The following KCNQ3 variants were observed in gnomAD, a reference collection of about 807,000 sequenced individuals.
The protein encoded by KCNQ3 is potassium voltage-gated channel subfamily Q member 3.
KCNQ3 carries 30 observed loss-of-function variants against 92.5 expected under a neutral mutation model. That is an observed-to-expected ratio of 0.32 (90% CI 0.24 to 0.44). The LOEUF (loss-of-function observed/expected upper bound fraction) is 0.44, where lower values mean the gene tolerates loss of function less well. Among genes scored for constraint, KCNQ3 ranks in the 20% least tolerant of loss-of-function variants. The pLI is 1.00. For missense variants in KCNQ3, 913 were observed against 1,140.3 expected, an observed-to-expected ratio of 0.80 and a Z score of 2.87; for synonymous variants, 450 against 468.8, an observed-to-expected ratio of 0.96 and a Z score of 0.52.
chr8:132,245,983 T>TTAAATGAA (rs71306377), intron 1 of KCNQ3, among the ~76,000 whole-genome samples: 81,151 of 151,308 alleles, frequency 0.54, 23,783 homozygotes, highest in East Asian at 0.81. Context: ...CACCAACTTA[T>TTAAATGAA]TAAATGAATA....
At chr8:132,160,032 T>C (rs1305589548) in intron 9 of KCNQ3, among the ~76,000 whole-genome samples, 1 of 152,066 alleles carries the variant, frequency 6.6e-6, no homozygotes, top group African/African-American at 2.4e-5. Context: ...TGACTTAATA[T>C]ATATAACAGG....
Position 132,174,284 on chromosome 8 carries a change from G to A in KCNQ3, c.999C>T (p.Ala333=), listed in dbSNP as rs764352803. The A allele has an allele frequency of 4.5e-6, 7 of 1,551,924 alleles. No individual in the cohort carries two copies. The highest frequency in any genetic ancestry group is 2.4e-5 in the East Asian group (1 of 40,956). Residue 333 remains alanine (A), a synonymous_variant, in exon 6 of 15, where the codon GCC becomes GCT. Coordinates refer to ENST00000388996, the MANE Select transcript of KCNQ3 (RefSeq NM_004519.4). ...TPKTWEGRLI[A]ATFSLIGVSF... ...AGACGCCAATTAAGGAAAAGGTGGCGGCAATCAGACGGCCTTCCCACGTTT... is the reference window on the plus strand; with the variant it reads ...AGACGCCAATTAAGGAAAAGGTGGCAGCAATCAGACGGCCTTCCCACGTTT...
chr8:132,450,930 G>C (rs1392698255), intron 1 of KCNQ3, among the ~76,000 whole-genome samples: 5 of 152,246 alleles, frequency 3.3e-5, no homozygotes, highest in Non-Finnish European at 5.9e-5. Flanking sequence ...TCTTTCCAGA[G>C]AAGGATGGAA....
At chr8:132,198,135 C>T (rs1452017480) in intron 1 of KCNQ3, among the ~76,000 whole-genome samples, 2 of 152,234 alleles carry the variant, frequency 1.3e-5, no homozygotes, top group African/African-American at 2.4e-5. Flanking sequence ...CTCTTGCTGG[C>T]TTTGAAGTTG....
At chr8:132,173,014 T>C (rs1826432335) in intron 6 of KCNQ3, among the ~76,000 whole-genome samples, 1 of 152,220 alleles carries the variant, frequency 6.6e-6, no homozygotes, top group South Asian at 2.1e-4. Flanking sequence ...GGGATAATAA[T>C]ACCTAATGCA....
At chr8:132,398,394 TAGAA>T (rs1820248969) in intron 1 of KCNQ3, among the ~76,000 whole-genome samples, 2 of 152,190 alleles carry the variant, frequency 1.3e-5, no homozygotes, top group African/African-American at 2.4e-5. Context: ...TCAGATAGAA[TAGAA>T]AGAAACCAAC....
chr8:132,367,174 C>A (rs1177139361), intron 1 of KCNQ3, among the ~76,000 whole-genome samples: 1 of 152,210 alleles, frequency 6.6e-6, no homozygotes, highest in African/African-American at 2.4e-5. Flanking sequence ...TCTCCTTCAA[C>A]CCTGAATGTC....
intron 1 of KCNQ3, among the ~76,000 whole-genome samples, chr8:132,311,939 C>T (rs1817605478): frequency 6.6e-6 from 1 of 151,086 alleles, no homozygotes; most frequent in Non-Finnish European, 1.5e-5. Flanking sequence ...GAACTAAATC[C>T]AGTGACTGAT....
chr8:132,253,026 G>A (rs1815467507), intron 1 of KCNQ3, among the ~76,000 whole-genome samples: 1 of 152,128 alleles, frequency 6.6e-6, no homozygotes, highest in Admixed American at 6.5e-5. Context: ...CACCATTTCT[G>A]GAAAAGCACC....
At chr8:132,165,574 C>T (rs1257445574) in intron 8 of KCNQ3, among the ~76,000 whole-genome samples, 1 of 152,202 alleles carries the variant, frequency 6.6e-6, no homozygotes, top group African/African-American at 2.4e-5. Context: ...GGGACTAAGA[C>T]AACCACTCTC....
chr8:132,271,996 C>A (rs536131054), intron 1 of KCNQ3, among the ~76,000 whole-genome samples: 7 of 152,238 alleles, frequency 4.6e-5, no homozygotes, highest in African/African-American at 1.7e-4. Context: ...CAGTTCCTGG[C>A]CTGAATGGAA....
At chr8:132,287,186 T>C (rs543469595) in intron 1 of KCNQ3, among the ~76,000 whole-genome samples, 1 of 152,350 alleles carries the variant, frequency 6.6e-6, no homozygotes, top group East Asian at 1.9e-4. Flanking sequence ...TGAGATTTTA[T>C]AGAATTATTT....
chr8:132,198,899 C>T (rs1827380287), intron 1 of KCNQ3, among the ~76,000 whole-genome samples: 1 of 152,122 alleles, frequency 6.6e-6, no homozygotes, highest in African/African-American at 2.4e-5. Context: ...TAAGAGATTG[C>T]ACAGGACAGC....
At chr8:132,298,663 T>C (rs1376467747) in intron 1 of KCNQ3, among the ~76,000 whole-genome samples, 1 of 152,330 alleles carries the variant, frequency 6.6e-6, no homozygotes, top group Middle Eastern at 3.4e-3. Context: ...ATCCCAGCAC[T>C]TTGGGAGGCC....
chr8:132,172,180 A>T (rs1051609497), intron 7 of KCNQ3, among the ~76,000 whole-genome samples: 10 of 151,986 alleles, frequency 6.6e-5, no homozygotes, highest in Non-Finnish European at 1.3e-4. Context: ...AGTCTCAAAA[A>T]AAACTCAAAA....
chr8:132,279,649 C>T (rs139669629), intron 1 of KCNQ3, among the ~76,000 whole-genome samples: 111 of 152,302 alleles, frequency 7.3e-4, no homozygotes, highest in Admixed American at 2.1e-3. Flanking sequence ...TGATCACACA[C>T]ATCAACAGAT....
At chr8:132,284,800 G>T (rs946613321) in intron 1 of KCNQ3, among the ~76,000 whole-genome samples, 2 of 152,196 alleles carry the variant, frequency 1.3e-5, no homozygotes, top group Non-Finnish European at 2.9e-5. Flanking sequence ...CCGTTAAGGG[G>T]TGACTAGGTC....
chr8:132,121,498 C>G lies in KCNQ3; in HGVS notation c.*7764G>C, dbSNP rs561557832. The G allele has an allele frequency of 2.6e-5, 4 of 152,316 alleles. No individual in the cohort carries two copies. The highest frequency in any genetic ancestry group is 2.6e-4 in the Admixed American group (4 of 15,304). 9.4% of individuals were successfully genotyped at this position (152,316 alleles called of 1,614,324 possible). ...ACTTGGCCACCACCTGGACTCTTAA[C>G]CCTCAGGGGAACTATGGGGGTGGGA... On this transcript the variant is annotated 3_prime_UTR_variant, in exon 15 of 15. Transcript: ENST00000388996.
At chr8:132,343,794 T>C (rs1281101376) in intron 1 of KCNQ3, among the ~76,000 whole-genome samples, 1 of 152,094 alleles carries the variant, frequency 6.6e-6, no homozygotes, top group Non-Finnish European at 1.5e-5. Flanking sequence ...TTGTGGCTCT[T>C]CCAGTTTCTA....
Sources: allele counts gnomAD v4.1 joint callset (sites outside exome capture counted in the v4.1 genomes callset), GRCh38; gene constraint gnomAD v4.1.1; transcripts MANE v1.5; gene names NCBI Gene and HGNC (gene_info 2026-07-23, HGNC 2026-07-21).